CBLIF: variants seen among roughly 807,000 people sequenced by gnomAD.
The protein encoded by CBLIF is cobalamin binding intrinsic factor.
CBLIF carries 24 observed loss-of-function variants against 44.9 expected under a neutral mutation model. The ratio of observed to expected loss-of-function variants is 0.53; its 90% CI spans 0.39 to 0.75. The LOEUF (loss-of-function observed/expected upper bound fraction) is 0.75. Ranked by LOEUF, CBLIF falls within the 30% of genes least tolerant of loss-of-function variation. CBLIF has a pLI of 0.00. For missense variants in CBLIF, 481 were observed against 513.0 expected (o/e 0.94, Z 0.60); for synonymous variants, 183 against 190.9 (o/e 0.96, Z 0.34).
chr11:59,844,546 C>T (rs1473315244), intron 1 of CBLIF, among the ~76,000 whole-genome samples: 1 of 152,186 alleles, frequency 6.6e-6, no homozygotes, highest in African/African-American at 2.4e-5. Context: ...TTAGTTTCTA[C>T]ATCTTCTCAA....
At chr11:59,838,848 C>CTTTTT (rs1217612334) in intron 5 of CBLIF, among the ~76,000 whole-genome samples, 36 of 130,534 alleles carry the variant, frequency 2.8e-4, no homozygotes, top group Admixed American at 3.9e-4. Flanking sequence ...TTCTTTCTTT[C>CTTTTT]TTTTTTTTTT....
rs1590860111 is a variant in CBLIF, at chr11:59,842,573, A to C, written c.381T>G (p.Ala127=). The change falls in exon 4 of 9, where the codon GCT becomes GCG. Residue 127 remains alanine, a synonymous_variant. Coordinates refer to ENST00000257248, the MANE Select transcript of CBLIF (RefSeq NM_005142.3). ...MENWAPSSPN[A]EASAFYGPSL... ...TGGGCCCATAGAAGGCTGATGCTTC[A>C]GCGTTGGGGCCTCCGAAGGGGATAG... The C allele has an allele frequency of 5.0e-6, 8 of 1,614,028 alleles. No individual in the cohort carries two copies. The highest frequency in any genetic ancestry group is 6.8e-6 in the Non-Finnish European group (8 of 1,179,944).
intron 5 of CBLIF, among the ~76,000 whole-genome samples, chr11:59,839,050 T>C (rs1373289096): frequency 6.6e-6 from 1 of 152,002 alleles, no homozygotes; most frequent in African/African-American, 2.4e-5. Flanking sequence ...GGTTTCACCA[T>C]ATTGGCCAGG....
chr11:59,842,294 T>C, intron 4 of CBLIF, 149 bp downstream of exon 4: 1 of 839,326 alleles, frequency 1.2e-6, no homozygotes, highest in East Asian at 2.5e-5. Flanking sequence ...CCAACAAACA[T>C]CTGGTAAATA....
At chr11:59,835,348 T>C (rs957870276) in intron 7 of CBLIF, among the ~76,000 whole-genome samples, 2 of 151,980 alleles carry the variant, frequency 1.3e-5, no homozygotes, top group Non-Finnish European at 2.9e-5. Context: ...TTTCACCATG[T>C]TGGTGAAACT....
chr11:59,834,755 A>C (rs1866431401), intron 7 of CBLIF, among the ~76,000 whole-genome samples: 1 of 152,100 alleles, frequency 6.6e-6, no homozygotes, highest in African/African-American at 2.4e-5. Flanking sequence ...TATCTAAGGA[A>C]TTTAATCCTT....
Position 59,829,310 on chromosome 11 carries a change from T to A in CBLIF, c.*174A>T, listed in dbSNP as rs1866336312. The A allele has an allele frequency of 6.5e-6, 4 of 615,208 alleles. No individual in the cohort carries two copies. The highest frequency in any genetic ancestry group is 1.2e-5 in the Non-Finnish European group (4 of 330,966). 38.1% of individuals were successfully genotyped at this position (615,208 alleles called of 1,614,324 possible). On this transcript the variant is annotated 3_prime_UTR_variant, in exon 9 of 9. Coordinates refer to ENST00000257248, the MANE Select transcript of CBLIF (RefSeq NM_005142.3). ...AAATTTTATTTTCATGAGTCATAGA[T>A]GTTGAGACTCCAGTGAACTTTGCAT...
chr11:59,845,252 C>A, intron 1 of CBLIF, 123 bp downstream of exon 1: 1 of 1,426,314 alleles, frequency 7.0e-7, no homozygotes, highest in South Asian at 1.2e-5. Context: ...CAATCACACT[C>A]AGACTTACCC....
In CBLIF at chr11:59,835,901, A is replaced by G; in HGVS notation, c.980T>C (p.Leu327Pro). 6.2e-7 allele frequency: 1 copy of G among 1,613,962 alleles called. No homozygotes were observed. Among genetic ancestry groups the G allele is most frequent in the Non-Finnish European group, 8.5e-7 (1 of 1,179,808 alleles). ...AACATTGATGGTCTCGTTGAAGAGC[A>G]GCTCAACCCCCCTCAGCTGGTTATT... ...TINNQLRGVELLFNETINVSV... is the reference protein window; with the variant it reads ...TINNQLRGVEPLFNETINVSV... Residue 327 changes from leucine (L) to proline (P), a missense_variant, in exon 7 of 9, where the codon CTG becomes CCG. Transcript: ENST00000257248.
intron 3 of CBLIF, 65 bp downstream of exon 3, chr11:59,842,963 T>G: frequency 9.8e-7 from 1 of 1,016,384 alleles, no homozygotes; most frequent in East Asian, 2.4e-5. Flanking sequence ...TTTTCCTTTC[T>G]GGGTTTAAAA....
Position 59,842,555 on chromosome 11 carries a change from A to G in CBLIF, c.399T>C (p.Tyr133=), listed in dbSNP as rs1313095599. The G allele has an allele frequency of 6.2e-7, 1 of 1,613,998 alleles. No homozygotes were observed. The highest frequency in any genetic ancestry group is 8.5e-7 in the Non-Finnish European group (1 of 1,179,956). ...GTGCCAAGATCGCTAGACTGGGCCC[A>G]TAGAAGGCTGATGCTTCAGCGTTGG... is the stretch of plus-strand genomic sequence containing the variant. ...SSPNAEASAF[Y]GPSLAILALC... The change falls in exon 4 of 9, where the codon TAT becomes TAC. Residue 133 remains tyrosine, a synonymous_variant. Coordinates refer to ENST00000257248, the MANE Select transcript of CBLIF (RefSeq NM_005142.3).
At position 59,835,793 on chromosome 11, in the gene CBLIF, A is replaced by G. The variant is rs368582573; in HGVS notation, c.1073+15T>C. ...AGGCCTTGAGAGAATGATGAATGAC[A>G]TTTGTAATACTCACTTGAACATAGG... is the stretch of plus-strand genomic sequence containing the variant. On this transcript the variant is annotated intron_variant, in intron 7 of 8. Transcript: ENST00000257248. The G allele has an allele frequency of 5.1e-6, 8 of 1,575,944 alleles. No homozygotes were observed. The highest frequency in any genetic ancestry group is 7.0e-6 in the Non-Finnish European group (8 of 1,145,056).
chr11:59,834,005 G>A (rs1375223847), intron 7 of CBLIF, among the ~76,000 whole-genome samples: 1 of 152,138 alleles, frequency 6.6e-6, no homozygotes, highest in Non-Finnish European at 1.5e-5. Context: ...GTGATCTTAG[G>A]AATGTTACTA....
At chr11:59,837,958 T>C (rs867263501) in intron 5 of CBLIF, among the ~76,000 whole-genome samples, 1 of 152,070 alleles carries the variant, frequency 6.6e-6, no homozygotes, top group African/African-American at 2.4e-5. Context: ...ACTGGGACCA[T>C]GCAAATAAAC....
chr11:59,842,808 T>C lies in CBLIF; in HGVS notation c.370+220A>G, dbSNP rs1590860235. On this transcript the variant is annotated intron_variant, in intron 3 of 8. Transcript: ENST00000257248. ...TCTGTGTCTTTAGACAGGTGATGGC[T>C]GGACAAGCTTGTGTCCTTGGGATCA... is the stretch of plus-strand genomic sequence containing the variant. 1.1e-5 allele frequency: 7 copies of C among 640,714 alleles called. No homozygotes were observed. The East Asian group carries it at 1.9e-4, about 17-fold the overall frequency. 39.7% of individuals were successfully genotyped at this position (640,714 alleles called of 1,614,324 possible). A position where few individuals can be genotyped will look rare whatever the true frequency, so the allele number is the denominator to read the frequency against.
intron 8 of CBLIF, among the ~76,000 whole-genome samples, chr11:59,831,363 A>G (rs1225670887): frequency 6.6e-6 from 1 of 152,090 alleles, no homozygotes; most frequent in Non-Finnish European, 1.5e-5. Context: ...ATCCACTTTT[A>G]CATTCTAGAT....
chr11:59,832,026 T>A (rs1014383696), intron 7 of CBLIF, among the ~76,000 whole-genome samples: 2 of 152,296 alleles, frequency 1.3e-5, no homozygotes, highest in Non-Finnish European at 2.9e-5. Context: ...TTCAGATAAA[T>A]GCTTCAGATA....
chr11:59,832,647 T>A (rs1267253031), intron 7 of CBLIF, among the ~76,000 whole-genome samples: 1 of 151,748 alleles, frequency 6.6e-6, no homozygotes, highest in Non-Finnish European at 1.5e-5. Context: ...AATTAGCCAG[T>A]CTCATAACCT....
At chr11:59,833,693 C>T (rs1373358850) in intron 7 of CBLIF, among the ~76,000 whole-genome samples, 1 of 152,068 alleles carries the variant, frequency 6.6e-6, no homozygotes. Flanking sequence ...TAGCCTTTGT[C>T]AGTATTCCTT....
Sources: allele counts gnomAD v4.1 joint callset (sites outside exome capture counted in the v4.1 genomes callset), GRCh38; gene constraint gnomAD v4.1.1; transcripts MANE v1.5; gene names NCBI Gene and HGNC (gene_info 2026-07-23, HGNC 2026-07-21).